The following SOX6 variants were observed in gnomAD, a reference collection of about 807,000 sequenced individuals.
The protein encoded by SOX6 is transcription factor SOX-6.
SOX6 carries 11 observed loss-of-function variants against 97.8 expected under a neutral mutation model. That is an observed-to-expected ratio of 0.11 (90% confidence interval 0.07 to 0.19). The LOEUF is 0.19. SOX6 is among the 10% of genes least tolerant of loss of function. The pLI is 1.00. For missense variants in SOX6, 810 were observed against 1,039.5 expected (o/e 0.78, Z 3.04); for synonymous variants, 360 against 371.4 (o/e 0.97, Z 0.35).
intron 3 of SOX6, among the ~76,000 whole-genome samples, chr11:16,677,096 A>G (rs1482443194): frequency 6.6e-6 from 1 of 152,162 alleles, no homozygotes; most frequent in East Asian, 1.9e-4. Flanking sequence ...AATGTTTCCA[A>G]ACTATACCTC....
At chr11:16,048,507 T>A (rs180950880) in intron 11 of SOX6, among the ~76,000 whole-genome samples, 1 of 152,318 alleles carries the variant, frequency 6.6e-6, no homozygotes, top group African/African-American at 2.4e-5. Flanking sequence ...ATTCTAGTCC[T>A]GTTTCTGCTA....
chr11:16,597,941 T>C (rs1252444266), intron 4 of SOX6, among the ~76,000 whole-genome samples: 1 of 151,994 alleles, frequency 6.6e-6, no homozygotes, highest in African/African-American at 2.4e-5. Context: ...GGAAAGAAAG[T>C]TAAGAACCTA....
At chr11:16,638,727 G>C (rs190899120) in intron 3 of SOX6, among the ~76,000 whole-genome samples, 1 of 152,274 alleles carries the variant, frequency 6.6e-6, no homozygotes, top group African/African-American at 2.4e-5. Flanking sequence ...CTTTTGAGAA[G>C]TGTCTGTTCA....
At chr11:16,321,262 CA>C (rs78785045) in intron 2 of SOX6, among the ~76,000 whole-genome samples, 5,017 of 67,076 alleles carry the variant, frequency 0.075, 75 homozygotes, top group Non-Finnish European at 0.11. Context: ...ACATTATGGC[CA>C]AAAAAAAAAA....
intron 15 of SOX6, among the ~76,000 whole-genome samples, chr11:15,981,229 G>T (rs1227535441): frequency 6.6e-6 from 1 of 152,018 alleles, no homozygotes; most frequent in Non-Finnish European, 1.5e-5. Flanking sequence ...TACAAATAAT[G>T]AATGTGCACA....
intron 15 of SOX6, among the ~76,000 whole-genome samples, chr11:15,982,639 T>C (rs928620917): frequency 1.3e-5 from 2 of 152,010 alleles, no homozygotes; most frequent in Non-Finnish European, 2.9e-5. Flanking sequence ...ATGTAAACAC[T>C]TGTTATGCTG....
chr11:16,138,007 A>G (rs1435048044), intron 6 of SOX6, among the ~76,000 whole-genome samples: 1 of 152,210 alleles, frequency 6.6e-6, no homozygotes, highest in East Asian at 1.9e-4. Flanking sequence ...ACCCAGTCTC[A>G]GGTATGTCTT....
intron 3 of SOX6, among the ~76,000 whole-genome samples, chr11:16,676,926 G>T (rs939175287): frequency 3.3e-5 from 5 of 151,222 alleles, no homozygotes; most frequent in African/African-American, 4.9e-5. Flanking sequence ...GCATGCAGTT[G>T]GCCTTCTAGA....
At chr11:16,344,060 A>AT (rs1856712334) in intron 1 of SOX6, among the ~76,000 whole-genome samples, 1 of 151,956 alleles carries the variant, frequency 6.6e-6, no homozygotes. Flanking sequence ...AGGAATTAAC[A>AT]TTTTTTGTTC....
At chr11:16,475,681 A>G (rs1279448232) in intron 1 of SOX6, among the ~76,000 whole-genome samples, 1 of 152,212 alleles carries the variant, frequency 6.6e-6, no homozygotes, top group African/African-American at 2.4e-5. Flanking sequence ...ACAGTTTGAA[A>G]TATTGTGAGA....
chr11:16,388,826 T>C (rs1230059515), intron 1 of SOX6, among the ~76,000 whole-genome samples: 2 of 152,158 alleles, frequency 1.3e-5, no homozygotes, highest in African/African-American at 2.4e-5. Flanking sequence ...AATTTGACTA[T>C]GAGGTGCCTA....
intron 4 of SOX6, among the ~76,000 whole-genome samples, chr11:16,496,192 G>T (rs1332864446): frequency 6.6e-6 from 1 of 151,692 alleles, no homozygotes; most frequent in Admixed American, 6.6e-5. Flanking sequence ...AAATATGACA[G>T]GTCCAATGGA....
At chr11:16,116,546 A>T (rs1472561916) in intron 6 of SOX6, among the ~76,000 whole-genome samples, 1 of 152,216 alleles carries the variant, frequency 6.6e-6, no homozygotes, top group Admixed American at 6.5e-5. Context: ...TGTGGTTGTA[A>T]TAAAGAATAC....
At chr11:16,272,086 T>C (rs1384427591) in intron 3 of SOX6, among the ~76,000 whole-genome samples, 1 of 151,518 alleles carries the variant, frequency 6.6e-6, no homozygotes, top group Admixed American at 6.6e-5. Context: ...AGATTATATT[T>C]CCCCTTTTAT....
chr11:16,511,521 T>A (rs72873390), intron 4 of SOX6, among the ~76,000 whole-genome samples: 14,799 of 152,146 alleles, frequency 0.097, 833 homozygotes, highest in Non-Finnish European at 0.13. Context: ...TTTGTTTTTG[T>A]TTTTGTTTTT....
intron 6 of SOX6, among the ~76,000 whole-genome samples, chr11:16,120,152 T>C (rs1323710487): frequency 7.6e-6 from 1 of 131,794 alleles, no homozygotes; most frequent in Non-Finnish European, 1.6e-5. Context: ...TCTGTCTCTC[T>C]CTTCCCTCCC....
intron 1 of SOX6, among the ~76,000 whole-genome samples, chr11:16,352,109 T>G (rs1208474114): frequency 6.6e-6 from 1 of 152,052 alleles, no homozygotes; most frequent in Non-Finnish European, 1.5e-5. Flanking sequence ...GTCTCCTCTT[T>G]GCACACACTC....
intron 9 of SOX6, among the ~76,000 whole-genome samples, chr11:16,056,841 A>G (rs542672122): frequency 2.5e-4 from 38 of 152,334 alleles, no homozygotes; most frequent in South Asian, 2.3e-3. Context: ...TCACTAAATT[A>G]AAGCCAAAGA....
intron 6 of SOX6, among the ~76,000 whole-genome samples, chr11:16,131,569 G>A (rs185808311): frequency 9.6e-4 from 146 of 152,058 alleles, no homozygotes; most frequent in Non-Finnish European, 1.5e-3. Flanking sequence ...TTTCCATAAA[G>A]CCCTACAATT....
Sources: gnomAD v4.1 joint callset for allele counts (sites outside exome capture counted in the v4.1 genomes callset) on GRCh38, gnomAD v4.1.1 for gene constraint, MANE v1.5 for transcripts, NCBI Gene and HGNC (gene_info 2026-07-23, HGNC 2026-07-21) for gene names.